The following SYN1 variants were observed in gnomAD, a reference collection of about 807,000 sequenced individuals.
SYN1 encodes synapsin I, also known as synapsin-1.
Under a neutral mutation model 44.6 loss-of-function variants are expected in SYN1, and 8 were observed. The ratio of observed to expected loss-of-function variants is 0.18; its 90% CI spans 0.11 to 0.32. The LOEUF is 0.32. Among genes scored for constraint, SYN1 ranks in the 10% least tolerant of loss-of-function variants. The pLI, the probability that SYN1 is intolerant of heterozygous loss-of-function variation, is 1.00. For synonymous variants in SYN1, 275 were observed against 280.1 expected (o/e 0.98, Z 0.18); for missense variants, 451 against 639.4 (o/e 0.71, Z 3.18).
Position 47,573,993 on chromosome X carries a change from T to C in SYN1, c.1982+9A>G, listed in dbSNP as rs1352411512. 8.9e-7 allele frequency: 1 copy of C among 1,124,197 alleles called. No homozygotes were observed. Among genetic ancestry groups the C allele is most frequent in the Non-Finnish European group, 1.2e-6 (1 of 857,643 alleles). 92.6% of individuals were successfully genotyped at this position (1,124,197 alleles called of 1,213,427 possible). On this transcript the variant is annotated intron_variant, in intron 12 of 12. Transcript: ENST00000295987. Reference sequence around the variant, plus strand: ...AGCAAGGCGAAGGCTGCTGTAGGGGTCCCCTTACTTGAGCTGGGGGTGCGG... The same window carrying C: ...AGCAAGGCGAAGGCTGCTGTAGGGGCCCCCTTACTTGAGCTGGGGGTGCGG...
At chrX:47,617,351 A>T (rs1370479695) in intron 1 of SYN1, among the ~76,000 whole-genome samples, 1 of 111,312 alleles carries the variant, frequency 9.0e-6, no homozygotes, top group African/African-American at 3.3e-5. Flanking sequence ...TTATACAGTA[A>T]GTGCTCAATA....
chrX:47,579,262 A>G, intron 5 of SYN1, among the ~76,000 whole-genome samples: 1 of 111,219 alleles, frequency 9.0e-6, no homozygotes, highest in South Asian at 3.8e-4. Flanking sequence ...TCTGGACTTG[A>G]GCCTGAACAC....
Position 47,576,355 on chromosome X carries a change from C to T in SYN1, c.1032G>A (p.Leu344=), listed in dbSNP as rs1199771418. 8.3e-7 allele frequency: 1 copy of T among 1,210,186 alleles called. No individual in the cohort carries two copies. The highest frequency in any genetic ancestry group is 1.1e-6 in the Non-Finnish European group (1 of 895,287). The part of the protein sequence containing the change: ...NWKTNTGSAM[L]EQIAMSDRYK... ...ACCTGTCAGACATGGCAATTTGCTC[C>T]AGCATCGCAGAGCCAGTATTGGTCT... The change falls in exon 8 of 13, where the codon CTG becomes CTA. Residue 344 remains leucine (L), a synonymous_variant. Transcript: ENST00000295987.
rs2147912166 is a variant in SYN1 at position 47,574,307 on chromosome X, G to A, written c.1677C>T (p.Gly559=). 9.2e-7 allele frequency: 1 copy of A among 1,092,678 alleles called. No individual in the cohort carries two copies. Among genetic ancestry groups the A allele is most frequent in the South Asian group, 2.2e-5 (1 of 44,815 alleles). 90.0% of individuals were successfully genotyped at this position (1,092,678 alleles called of 1,213,427 possible). The change falls in exon 12 of 13, where the codon GGC becomes GGT. Residue 559 remains glycine, a synonymous_variant. Coordinates refer to ENST00000295987, the MANE Select transcript of SYN1 (RefSeq NM_006950.3). ...PASPSPQRQA[G]PPQATRQTSV... is the part of the protein sequence containing the mutation. ...ATGTCTGACGGGTAGCCTGTGGGGG[G>A]CCCGCCTGGCGCTGGGGAGACGGAG...
chrX:47,579,178 G>A (rs1217115787), intron 5 of SYN1, among the ~76,000 whole-genome samples: 1 of 111,639 alleles, frequency 9.0e-6, no homozygotes, highest in Non-Finnish European at 1.9e-5. Flanking sequence ...AGAGAGCTGT[G>A]CGTACACACC....
At chrX:47,618,956 G>C (rs751697207) in intron 1 of SYN1, among the ~76,000 whole-genome samples, 10 of 111,038 alleles carry the variant, frequency 9.0e-5, no homozygotes, top group Non-Finnish European at 7.6e-5. Flanking sequence ...AGGGCTCTTG[G>C]ATGAGGCATA....
intron 5 of SYN1, among the ~76,000 whole-genome samples, chrX:47,593,425 C>A (rs971171277): frequency 1.8e-5 from 2 of 108,422 alleles, no homozygotes; most frequent in Non-Finnish European, 3.8e-5. Context: ...CACACCACCA[C>A]GCCCAGCTAA....
At chrX:47,606,837 A>C (rs1452627248) in intron 3 of SYN1, 108 bp downstream of exon 3, 1 of 795,205 alleles carries the variant, frequency 1.3e-6, no homozygotes, top group Non-Finnish European at 1.9e-6. Context: ...TCCATGCCTA[A>C]GTTCTTGCCC....
chrX:47,607,507 C>T (rs1257247594), intron 1 of SYN1, among the ~76,000 whole-genome samples: 2 of 110,790 alleles, frequency 1.8e-5, no homozygotes, highest in Admixed American at 1.9e-4. Flanking sequence ...AAAAACTTCA[C>T]AAAATTAGCA....
intron 1 of SYN1, among the ~76,000 whole-genome samples, chrX:47,615,141 G>A (rs930771565): frequency 4.5e-5 from 5 of 111,283 alleles, no homozygotes; most frequent in Non-Finnish European, 7.5e-5. Context: ...TCCTATATAT[G>A]TATTATATAA....
At chrX:47,612,819 A>T (rs113063265) in intron 1 of SYN1, among the ~76,000 whole-genome samples, 6,820 of 111,732 alleles carry the variant, frequency 0.061, 492 homozygotes, top group African/African-American at 0.21. Flanking sequence ...ATGTGGGCAG[A>T]CACCTAGGAG....
chrX:47,584,807 G>A (rs2057815561), intron 5 of SYN1: 3 of 521,938 alleles, frequency 5.7e-6, no homozygotes, highest in East Asian at 3.6e-5. Context: ...ATCACTTTGT[G>A]TGCTGTCTGG....
Position 47,573,996 on chromosome X carries a change from C to T in SYN1, c.1982+6G>A. On this transcript the variant is annotated splice_donor_region_variant and intron_variant, in intron 12 of 12. Transcript: ENST00000295987. ...AAGGCGAAGGCTGCTGTAGGGGTCC[C>T]CTTACTTGAGCTGGGGGTGCGGAGG... 8.8e-7 allele frequency: 1 copy of T among 1,129,954 alleles called. No individual in the cohort carries two copies. The highest frequency in any genetic ancestry group is 1.2e-6 in the Non-Finnish European group (1 of 860,648). The allele number at this position is 1,129,954 out of a possible 1,213,427, so 93.1% of individuals were successfully genotyped here.
chrX:47,576,161 A>G lies in SYN1; in HGVS notation c.1128T>C (p.His376=), dbSNP rs1304603749. ...TGATGTGATCCCTTCCGTCCTTGCC[A>G]TGTAGCGCTTCCACTGCGCAGATGT... ...GLDICAVEAL[H]GKDGRDHIIE... Residue 376 remains histidine (H), a synonymous_variant, in exon 9 of 13, where the codon CAT becomes CAC. Transcript: ENST00000295987. 6 of 1,202,551 alleles carry G rather than the reference A, an allele frequency of 5.0e-6. No individual in the cohort carries two copies. The East Asian group carries it at 1.5e-4, about 30-fold the overall frequency.
chrX:47,596,731 A>C (rs1387556807), intron 5 of SYN1, among the ~76,000 whole-genome samples: 1 of 112,094 alleles, frequency 8.9e-6, no homozygotes, highest in Non-Finnish European at 1.9e-5. Flanking sequence ...ATAAAAACAA[A>C]TCCTGAGGAG....
chrX:47,595,888 T>C (rs755811024), intron 5 of SYN1, among the ~76,000 whole-genome samples: 114 of 112,378 alleles, frequency 1.0e-3, no homozygotes, highest in Non-Finnish European at 1.9e-3. Flanking sequence ...CTGGCAAAAA[T>C]TGTCAAAACA....
chrX:47,590,495 G>C (rs746766284), intron 5 of SYN1, among the ~76,000 whole-genome samples: 19 of 112,399 alleles, frequency 1.7e-4, no homozygotes, highest in Non-Finnish European at 3.4e-4. Context: ...GTAGTGTTCT[G>C]AGTCTTTGAG....
chrX:47,596,798 C>T (rs189594159), intron 5 of SYN1, among the ~76,000 whole-genome samples: 1,150 of 111,548 alleles, frequency 0.01, 17 homozygotes, highest in African/African-American at 0.035. Flanking sequence ...GTCCAGTTTT[C>T]AACAAAAATG....
chrX:47,585,204 G>A, intron 5 of SYN1: 1 of 1,180,590 alleles, frequency 8.5e-7, no homozygotes, highest in Non-Finnish European at 1.1e-6. Flanking sequence ...TCCATCAACA[G>A]ATGTATAAAG....
Sources: gnomAD v4.1 joint callset for allele counts (sites outside exome capture counted in the v4.1 genomes callset) on GRCh38, gnomAD v4.1.1 for gene constraint, MANE v1.5 for transcripts, NCBI Gene and HGNC (gene_info 2026-07-23, HGNC 2026-07-21) for gene names.